The following CDKL2 variants were observed in gnomAD, a reference collection of about 807,000 sequenced individuals.
CDKL2 encodes cyclin-dependent kinase-like 2.
In CDKL2, 64 loss-of-function variants were observed where a neutral mutation model predicts 63.9. That is an observed-to-expected ratio of 1.00 (90% CI 0.82 to 1.23). CDKL2 has a LOEUF of 1.23. Among genes scored for constraint, CDKL2 ranks in the 50% most tolerant of loss-of-function variants. CDKL2 has a pLI of 0.00. For missense variants in CDKL2, 656 were observed against 668.0 expected (o/e 0.98, Z 0.20); for synonymous variants, 211 against 229.2 (o/e 0.92, Z 0.72).
chr4:75,585,417 C>G lies in CDKL2; in HGVS notation c.1648-3519G>C, dbSNP rs553720841. Among the ~76,000 whole-genome samples, 3 of 152,016 alleles carry G rather than the reference C, an allele frequency of 2.0e-5. No homozygotes were observed. The South Asian group carries it at 6.2e-4, about 32-fold the overall frequency. ...CCAGCCACAACATCAGAGCAAGACC[C>G]CATCTCTCAAAACAAAAAAGAAAAA... On this transcript the variant is annotated intron_variant, in intron 12 of 13. Transcript: ENST00000307465.
intron 10 of CDKL2, among the ~76,000 whole-genome samples, chr4:75,593,987 A>G (rs1177343279): frequency 6.6e-6 from 1 of 152,206 alleles, no homozygotes; most frequent in Non-Finnish European, 1.5e-5. Flanking sequence ...AATTAATGCA[A>G]GCAGAGATAA....
chr4:75,598,505 T>C (rs1340647652), intron 7 of CDKL2, among the ~76,000 whole-genome samples: 1 of 151,708 alleles, frequency 6.6e-6, no homozygotes. Flanking sequence ...TGCTGACACC[T>C]TACCAAGAAG....
rs72869656 is a variant in CDKL2, at chr4:75,592,575, G to A, written c.1417-306C>T. ...AAAAGGTTAAAAGATGGGCATTGAT[G>A]CGCTGGTTCTTCAGGCCAGCAAGGT... On this transcript the variant is annotated intron_variant, in intron 10 of 13. Transcript: ENST00000307465. Among the ~76,000 whole-genome samples, 1,352 of 152,282 alleles carry A rather than the reference G, an allele frequency of 8.9e-3. 21 individuals are homozygous for A. Among genetic ancestry groups the A allele is most frequent in the African/African-American group, 0.031 (1,297 of 41,558 alleles).
intron 10 of CDKL2, 132 bp downstream of exon 10, chr4:75,596,115 T>C (rs1728921342): frequency 1.8e-6 from 1 of 571,388 alleles, no homozygotes; most frequent in Admixed American, 3.1e-5. Context: ...TGGGATAATA[T>C]ATGCACAATT....
At position 75,607,306 on chromosome 4, in the gene CDKL2, A is replaced by G. The variant is rs1560585574; in HGVS notation, c.419T>C (p.Val140Ala). The change falls in exon 4 of 14, where the codon GTC becomes GCC. Residue 140 changes from valine to alanine, a missense_variant. Coordinates refer to ENST00000307465, the MANE Select transcript of CDKL2 (RefSeq NM_001330724.2). ...ENILVSQSGV[V>A]KLCDFGFART... ...CGCAAATCCAAAATCGCATAGCTTG[A>G]CAACGCCAGACTGGGAGACTAATAT... The G allele has an allele frequency of 6.2e-7, 1 of 1,614,024 alleles. No individual in the cohort carries two copies. The highest frequency in any genetic ancestry group is 1.3e-5 in the African/African-American group (1 of 74,944).
chr4:75,594,107 T>G (rs1385283699), intron 10 of CDKL2, among the ~76,000 whole-genome samples: 1 of 152,212 alleles, frequency 6.6e-6, no homozygotes, highest in Non-Finnish European at 1.5e-5. Context: ...TTATTTTGTG[T>G]TTTATTTTCA....
At chr4:75,614,198 T>C (rs1729825526) in intron 3 of CDKL2, 57 bp downstream of exon 3, 2 of 1,122,640 alleles carry the variant, frequency 1.8e-6, no homozygotes, top group Non-Finnish European at 2.6e-6. Context: ...ATAAGACAGA[T>C]TAAAGGATTA....
intron 10 of CDKL2, among the ~76,000 whole-genome samples, chr4:75,594,909 C>T (rs78498695): frequency 1.3e-5 from 2 of 151,982 alleles, no homozygotes; most frequent in African/African-American, 4.8e-5. Flanking sequence ...CTTATAGACC[C>T]TATAAGGACT....
chr4:75,580,048 G>A (rs1164969211), intron 13 of CDKL2, among the ~76,000 whole-genome samples: 2 of 152,180 alleles, frequency 1.3e-5, no homozygotes, highest in Admixed American at 6.5e-5. Context: ...AAGGTGGGCA[G>A]ATCACCTGAG....
At chr4:75,616,700 C>CA (rs765649411) in intron 2 of CDKL2, among the ~76,000 whole-genome samples, 2,629 of 69,512 alleles carry the variant, frequency 0.038, 91 homozygotes, top group African/African-American at 0.11. Context: ...ACTCCATCTC[C>CA]AAAAAAAAAA....
At chr4:75,620,755 G>C (rs1730117439) in intron 2 of CDKL2, among the ~76,000 whole-genome samples, 1 of 152,180 alleles carries the variant, frequency 6.6e-6, no homozygotes, top group Non-Finnish European at 1.5e-5. Context: ...TAAGGTAGCA[G>C]TGATTGACGT....
intron 10 of CDKL2, among the ~76,000 whole-genome samples, chr4:75,594,058 C>T (rs1404225954): frequency 3.3e-5 from 5 of 152,286 alleles, no homozygotes; most frequent in South Asian, 2.1e-4. Context: ...GTTTTATACC[C>T]CCATTCTAAG....
At chr4:75,605,282 G>T (rs1032407751) in intron 5 of CDKL2, among the ~76,000 whole-genome samples, 19 of 152,230 alleles carry the variant, frequency 1.2e-4, no homozygotes, top group Non-Finnish European at 2.8e-4. Flanking sequence ...GAACCCAGGA[G>T]GCAGAGGTTG....
chr4:75,601,282 A>T (rs1578330664), intron 6 of CDKL2, among the ~76,000 whole-genome samples: 2 of 152,132 alleles, frequency 1.3e-5, no homozygotes, highest in East Asian at 3.8e-4. Flanking sequence ...AAAGGAAAGG[A>T]TTTATCCTGT....
In CDKL2 at chr4:75,603,846, G is replaced by A; in HGVS notation, c.766C>T (p.Leu256Phe). ...GCTAAATCTATCACCACTTCAGAGA[G>A]CTTAGGATAGCGTCTTTCAAGAGGT... ...REPLERRYPK[L>F]SEVVIDLAKK... The change falls in exon 6 of 14, where the codon CTC (leucine) becomes TTC (phenylalanine). Residue 256 changes from leucine to phenylalanine, a missense_variant. Leu to Phe is a conservative substitution (Grantham distance 22, BLOSUM62 0). Transcript: ENST00000307465. 1 of 1,612,380 alleles carries A rather than the reference G, an allele frequency of 6.2e-7. No individual in the cohort carries two copies. The highest frequency in any genetic ancestry group is 8.5e-7 in the Non-Finnish European group (1 of 1,179,550).
At chr4:75,609,683 A>G (rs1221522111) in intron 3 of CDKL2, among the ~76,000 whole-genome samples, 2 of 148,416 alleles carry the variant, frequency 1.3e-5, no homozygotes, top group African/African-American at 2.4e-5. Flanking sequence ...ATATTTAAAA[A>G]TCTACAGCTA....
chr4:75,588,416 CT>C (rs1728569194), intron 12 of CDKL2, among the ~76,000 whole-genome samples: 1 of 151,814 alleles, frequency 6.6e-6, no homozygotes, highest in Non-Finnish European at 1.5e-5. Context: ...ACAAATATAT[CT>C]TTTTTAAAAA....
intron 6 of CDKL2, among the ~76,000 whole-genome samples, chr4:75,603,062 C>T (rs1432167753): frequency 7.2e-6 from 1 of 138,266 alleles, no homozygotes; most frequent in Non-Finnish European, 1.5e-5. Context: ...TGCAGTGGCA[C>T]AATCTCGGCT....
chr4:75,589,299 C>CTTTTTT (rs34052339), intron 12 of CDKL2, among the ~76,000 whole-genome samples: 5 of 88,412 alleles, frequency 5.7e-5, no homozygotes, highest in Non-Finnish European at 8.5e-5. Context: ...TTGATAGTTT[C>CTTTTTT]TTTTTTTTTT....
Sources: allele counts gnomAD v4.1 joint callset (sites outside exome capture counted in the v4.1 genomes callset), GRCh38; gene constraint gnomAD v4.1.1; transcripts MANE v1.5; gene names NCBI Gene and HGNC (gene_info 2026-07-23, HGNC 2026-07-21).